The following GLIS3 variants were observed in gnomAD, a reference collection of about 807,000 sequenced individuals.
GLIS3 encodes the protein zinc finger protein GLIS3.
A neutral mutation model predicts 78.6 loss-of-function variants in GLIS3; 53 were observed. The observed-to-expected ratio is 0.67, with a 90% CI of 0.54 to 0.85. The LOEUF is 0.85. Ranked by LOEUF, GLIS3 falls within the 40% of genes least tolerant of loss-of-function variation. The pLI, the probability that GLIS3 is intolerant of heterozygous loss-of-function variation, is 0.00. For synonymous variants in GLIS3, 684 were observed against 509.9 expected (o/e 1.34, Z -4.60); for missense variants, 1,703 against 1,231.1 (o/e 1.38, Z -5.74).
the GLIS3 span, chr9:4,386,587 G>A: frequency 2.6e-5 from 4 of 152,160 alleles, no homozygotes; most frequent in Non-Finnish European, 5.9e-5. Context: ...GAAAATGAAA[G>A]TACTCCATGG....
intron 2 of GLIS3, among the ~76,000 whole-genome samples, chr9:4,255,703 TA>T (rs1288401683): frequency 6.6e-6 from 1 of 152,038 alleles, no homozygotes; most frequent in Non-Finnish European, 1.5e-5. Context: ...TGCCAAGAGC[TA>T]GGGGAAAGGG....
At chr9:4,380,329 T>C in the GLIS3 span, among the ~76,000 whole-genome samples, 1 of 152,140 alleles carries the variant, frequency 6.6e-6, no homozygotes, top group Non-Finnish European at 1.5e-5. Context: ...CACACACACA[T>C]ACACAAAGAT....
At chr9:4,126,560 G>C (rs1256816636) in intron 2 of GLIS3, among the ~76,000 whole-genome samples, 1 of 152,138 alleles carries the variant, frequency 6.6e-6, no homozygotes, top group Non-Finnish European at 1.5e-5. Context: ...ATTGGACATA[G>C]ATTTTTCATT....
At chr9:4,173,561 T>TAA (rs1816557331) in intron 2 of GLIS3, among the ~76,000 whole-genome samples, 1 of 146,424 alleles carries the variant, frequency 6.8e-6, no homozygotes, top group African/African-American at 2.5e-5. Flanking sequence ...TGTGTATAGA[T>TAA]ACACACACAC....
At chr9:4,210,856 T>A (rs570923687) in intron 2 of GLIS3, among the ~76,000 whole-genome samples, 4 of 152,356 alleles carry the variant, frequency 2.6e-5, no homozygotes, top group East Asian at 3.9e-4. Flanking sequence ...CAACTTGGAA[T>A]GTCTGCCATT....
chr9:4,469,227 T>C, the GLIS3 span, among the ~76,000 whole-genome samples: 58,652 of 151,626 alleles, frequency 0.39, 11,881 homozygotes, highest in African/African-American at 0.5. Context: ...GACAGATCAA[T>C]GAGACAGAAA....
chr9:4,038,503 G>C (rs1824521382), intron 4 of GLIS3, among the ~76,000 whole-genome samples: 1 of 152,184 alleles, frequency 6.6e-6, no homozygotes, highest in Non-Finnish European at 1.5e-5. Flanking sequence ...ACGTATGGGA[G>C]ATCAAAGGTG....
intron 8 of GLIS3, among the ~76,000 whole-genome samples, chr9:3,860,471 C>A (rs1820138696): frequency 6.6e-6 from 1 of 152,046 alleles, no homozygotes; most frequent in Non-Finnish European, 1.5e-5. Flanking sequence ...TTGAACTCCC[C>A]AGCCATGCAG....
At chr9:3,860,200 G>A (rs1196639195) in intron 8 of GLIS3, among the ~76,000 whole-genome samples, 9 of 142,062 alleles carry the variant, frequency 6.3e-5, no homozygotes, top group East Asian at 2.2e-4. Context: ...GCGTGAATCC[G>A]GGAGGCGGAG....
At chr9:4,403,146 G>C in the GLIS3 span, among the ~76,000 whole-genome samples, 1 of 152,130 alleles carries the variant, frequency 6.6e-6, no homozygotes, top group African/African-American at 2.4e-5. Context: ...AACCTTATAG[G>C]CTAGGAAAGA....
At chr9:4,034,752 A>C (rs1394093116) in intron 4 of GLIS3, 1 of 152,048 alleles carries the variant, frequency 6.6e-6, no homozygotes, top group Non-Finnish European at 1.5e-5. Context: ...CAACCTGAGC[A>C]CTTCTTGGGG....
At chr9:4,233,981 A>G (rs898454803) in intron 2 of GLIS3, among the ~76,000 whole-genome samples, 3 of 152,106 alleles carry the variant, frequency 2.0e-5, no homozygotes, top group African/African-American at 7.2e-5. Flanking sequence ...CTAGCTTCCA[A>G]CTTTTCTTGT....
chr9:4,317,552 A>C (rs909007278), intron 2 of GLIS3, among the ~76,000 whole-genome samples: 5 of 152,260 alleles, frequency 3.3e-5, no homozygotes, highest in African/African-American at 1.2e-4. Context: ...AAAAATGCTA[A>C]AGTGAGTATA....
chr9:4,443,600 C>T, the GLIS3 span, among the ~76,000 whole-genome samples: 1 of 152,150 alleles, frequency 6.6e-6, no homozygotes, highest in East Asian at 1.9e-4. Context: ...AGAAAGTAAC[C>T]AGGGTTGAAA....
At chr9:4,180,511 C>G (rs1347592234) in intron 2 of GLIS3, among the ~76,000 whole-genome samples, 1 of 152,150 alleles carries the variant, frequency 6.6e-6, no homozygotes, top group African/African-American at 2.4e-5. Context: ...TTGTGACATA[C>G]TGCCCAGTAT....
the GLIS3 span, chr9:4,490,327 C>T: frequency 1.7e-5 from 3 of 173,998 alleles, no homozygotes; most frequent in Admixed American, 6.4e-5. Context: ...CCCTACCACG[C>T]CTGCTCCCTA....
At chr9:4,173,257 A>T (rs552664123) in intron 2 of GLIS3, among the ~76,000 whole-genome samples, 3 of 152,338 alleles carry the variant, frequency 2.0e-5, no homozygotes, top group African/African-American at 7.2e-5. Flanking sequence ...GCTACATTTC[A>T]GTAAAAGCTC....
the GLIS3 span, among the ~76,000 whole-genome samples, chr9:4,433,116 T>C: frequency 6.6e-6 from 1 of 152,208 alleles, no homozygotes; most frequent in African/African-American, 2.4e-5. Context: ...GCTATATAAA[T>C]GTTGCTCTGA....
the GLIS3 span, among the ~76,000 whole-genome samples, chr9:4,412,433 T>C: frequency 6.6e-6 from 1 of 152,192 alleles, no homozygotes; most frequent in Non-Finnish European, 1.5e-5. Flanking sequence ...TATTCCATCA[T>C]ACCTAGTGTA....
Sources: allele counts gnomAD v4.1 joint callset (sites outside exome capture counted in the v4.1 genomes callset), GRCh38; gene constraint gnomAD v4.1.1; transcripts MANE v1.5; gene names NCBI Gene and HGNC (gene_info 2026-07-23, HGNC 2026-07-21).